The following LRRK1 variants were observed in gnomAD, a reference collection of about 807,000 sequenced individuals.
The protein encoded by LRRK1 is leucine-rich repeat serine/threonine-protein kinase 1.
In LRRK1, 113 loss-of-function variants were observed where a neutral mutation model predicts 209.1. The ratio of observed to expected loss-of-function variants is 0.54; its 90% CI spans 0.46 to 0.63. The LOEUF is 0.63. LRRK1 is among the 30% of genes least tolerant of loss of function. The probability of loss-of-function intolerance (pLI) is 0.00; values close to 1 mark genes in which losing one functional copy is unlikely to be tolerated. For missense variants in LRRK1, 2,284 were observed against 2,632.2 expected, an observed-to-expected ratio of 0.87 and a Z score of 2.89; for synonymous variants, 1,144 against 1,099.7, an observed-to-expected ratio of 1.04 and a Z score of -0.80.
At chr15:101,021,801 TGTGTGTGTGTGTA>T in intron 13 of LRRK1, 31 bp from the exon 14 acceptor site, 1 of 1,107,232 alleles carries the variant, frequency 9.0e-7, no homozygotes, top group Non-Finnish European at 1.4e-6. Flanking sequence ...TGTGTGTGTG[TGTGTGTGTGTGTA>T]TTCTCTCGTG....
At position 101,058,628 on chromosome 15, in the gene LRRK1, G is replaced by A. The variant is rs1319371860; in HGVS notation, c.4679+487G>A. On this transcript the variant is annotated intron_variant, in intron 29 of 33. Coordinates refer to ENST00000388948, the MANE Select transcript of LRRK1 (RefSeq NM_024652.6). ...TGCAGAAGGGGCAACGGGGGGGGGC[G>A]TCTAAACAGAGTTGGGGTTTTGCCA... 1.9e-4 allele frequency among the ~76,000 whole-genome samples: 27 copies of A among 141,698 alleles called. 2 individuals carry two copies. The highest frequency in any genetic ancestry group is 1.1e-4 in the African/African-American group (4 of 36,526). The allele number at this position is 141,698 out of a possible 152,430, so 93.0% of individuals were successfully genotyped here. A position where few individuals can be genotyped will look rare whatever the true frequency, so the allele number is the denominator to read the frequency against.
intron 2 of LRRK1, among the ~76,000 whole-genome samples, chr15:100,950,067 A>G (rs1250504637): frequency 6.6e-6 from 1 of 152,250 alleles, no homozygotes; most frequent in Non-Finnish European, 1.5e-5. Context: ...AGGTAAAACT[A>G]TATTTTCCGG....
chr15:101,045,981 C>T lies in LRRK1; in HGVS notation c.2964C>T (p.Ser988=). ...FEIALPVAND[S]YLLPHLLPSK... ...ACCAGTCCCCCTTGGTGTGTTTCAG[C>T]TACCTCCTGCCCCATCTCCTTCCAT... The change falls in exon 21 of 34, where the codon AGC becomes AGT. Residue 988 remains serine, a splice_region_variant and synonymous_variant. Transcript: ENST00000388948. The T allele has an allele frequency of 6.2e-7, 1 of 1,614,040 alleles. No homozygotes were observed. Among genetic ancestry groups the T allele is most frequent in the Non-Finnish European group, 8.5e-7 (1 of 1,179,910 alleles).
chr15:100,923,707 T>C (rs1337550880), intron 1 of LRRK1, among the ~76,000 whole-genome samples: 1 of 152,182 alleles, frequency 6.6e-6, no homozygotes, highest in Non-Finnish European at 1.5e-5. Context: ...TAGTCATTAG[T>C]TTCAGAGATT....
At position 101,066,209 on chromosome 15, in the gene LRRK1, C is replaced by A. The variant is rs185384942; in HGVS notation, c.5768+4C>A. 2 of 1,598,616 alleles carry A rather than the reference C, an allele frequency of 1.3e-6. No homozygotes were observed. Among genetic ancestry groups the A allele is most frequent in the Non-Finnish European group, 1.7e-6 (2 of 1,171,924 alleles). ...GAGACCTCATTTGGGTCCCCAGGTA[C>A]GTTTCCCGAGGTGAGGGCACCATCC... is the stretch of plus-strand genomic sequence containing the variant. On this transcript the variant is annotated splice_donor_region_variant and intron_variant, in intron 32 of 33. Coordinates refer to ENST00000388948, the MANE Select transcript of LRRK1 (RefSeq NM_024652.6).
intron 2 of LRRK1, among the ~76,000 whole-genome samples, chr15:100,950,259 TA>T (rs1241859001): frequency 1.1e-4 from 16 of 152,046 alleles, no homozygotes; most frequent in African/African-American, 3.9e-4. Flanking sequence ...TCCAAAAGAA[TA>T]AAAAATTTGG....
intron 3 of LRRK1, among the ~76,000 whole-genome samples, chr15:100,981,785 C>T (rs142539421): frequency 6.6e-6 from 1 of 152,256 alleles, no homozygotes; most frequent in East Asian, 1.9e-4. Context: ...AGTCCAGCAT[C>T]TGGCACCTGG....
At position 100,946,395 on chromosome 15, in the gene LRRK1, G is replaced by A. The variant is rs145819974; in HGVS notation, c.97+21666G>A. 1.3e-3 allele frequency among the ~76,000 whole-genome samples: 193 copies of A among 152,212 alleles called. 1 individual carries two copies. Among genetic ancestry groups the A allele is most frequent in the South Asian group, 7.7e-3 (37 of 4,832 alleles). On this transcript the variant is annotated intron_variant, in intron 2 of 33. Transcript: ENST00000388948. ...ATAATGACTGGGGTTGGAGACTAGC[G>A]AGACAATGCACAGAGAAAGCAATGG...
At chr15:101,059,316 T>C (rs887068277) in intron 29 of LRRK1, among the ~76,000 whole-genome samples, 3 of 152,312 alleles carry the variant, frequency 2.0e-5, no homozygotes, top group Admixed American at 2.0e-4. Context: ...GAGGATTACT[T>C]GAACCCAGGA....
intron 20 of LRRK1, among the ~76,000 whole-genome samples, chr15:101,044,924 C>T (rs1196537845): frequency 6.6e-6 from 1 of 152,206 alleles, no homozygotes; most frequent in Non-Finnish European, 1.5e-5. Context: ...GATGAAGAGG[C>T]ATCTAGCGAG....
intron 6 of LRRK1, among the ~76,000 whole-genome samples, chr15:100,991,921 A>G (rs933729719): frequency 6.6e-6 from 1 of 152,188 alleles, no homozygotes; most frequent in African/African-American, 2.4e-5. Flanking sequence ...ACATTACTGA[A>G]CTTTTTCAAA....
intron 6 of LRRK1, among the ~76,000 whole-genome samples, chr15:101,005,203 C>G (rs116740592): frequency 1.3e-3 from 194 of 152,238 alleles, no homozygotes; most frequent in African/African-American, 4.4e-3. Flanking sequence ...CCTGTGGAGC[C>G]TTTTTTGACT....
chr15:101,026,052 C>T lies in LRRK1; in HGVS notation c.2320C>T (p.Leu774=), dbSNP rs745499544. The T allele has an allele frequency of 6.2e-7, 1 of 1,614,256 alleles. No homozygotes were observed. Among genetic ancestry groups the T allele is most frequent in the East Asian group, 2.2e-5 (1 of 44,886 alleles). Residue 774 remains leucine, a synonymous_variant, in exon 17 of 34, where the codon CTG becomes TTG. Coordinates refer to ENST00000388948, the MANE Select transcript of LRRK1 (RefSeq NM_024652.6). ...AKFRVERIAT[L]RAYVLALCRS... Reference sequence around the variant, plus strand: ...GTTCCGTGTGGAAAGGATTGCAACGCTGCGTGCCTATGTGCTGGCACTCTG... The same window carrying T: ...GTTCCGTGTGGAAAGGATTGCAACGTTGCGTGCCTATGTGCTGGCACTCTG...
rs1392402256 is a variant in LRRK1, at chr15:101,024,727, T to C, written c.2068-76T>C. The C allele has an allele frequency of 1.3e-6, 2 of 1,483,580 alleles. No homozygotes were observed. The highest frequency in any genetic ancestry group is 1.4e-5 in the African/African-American group (1 of 72,252). 91.9% of individuals were successfully genotyped at this position (1,483,580 alleles called of 1,614,324 possible). On this transcript the variant is annotated intron_variant, in intron 15 of 33. Transcript: ENST00000388948. The surrounding 1 kb of genome is among the most constrained non-coding windows in gnomAD (Gnocchi z 4.6). The stretch of plus-strand genomic sequence containing the variant: ...CCCCCGAGTCCAGCCTCCAGAGTTA[T>C]CCGTTGTCTCCGTTTGATTGACTGA...
intron 24 of LRRK1, 111 bp downstream of exon 24, chr15:101,052,071 C>T: frequency 7.9e-7 from 1 of 1,260,628 alleles, no homozygotes; most frequent in Non-Finnish European, 1.1e-6. Context: ...GGCAGGTGCC[C>T]CGGCCATGGC....
At position 100,992,455 on chromosome 15, in the gene LRRK1, A is replaced by C. The variant is rs2032197646; in HGVS notation, c.762+3057A>C. ...TTTCTTCTATATCTATACTTATATT[A>C]CTCTTTTCATTTATGCTGTTGAACA... On this transcript the variant is annotated intron_variant, in intron 6 of 33. Coordinates refer to ENST00000388948, the MANE Select transcript of LRRK1 (RefSeq NM_024652.6). Among the ~76,000 whole-genome samples the C allele has an allele frequency of 2.0e-5, 3 of 151,852 alleles. No individual in the cohort carries two copies. The South Asian group carries it at 6.2e-4, about 32-fold the overall frequency.
At chr15:100,956,455 C>CTTTTTCTTTTTTTTTCTTTTTT in intron 2 of LRRK1, among the ~76,000 whole-genome samples, 1 of 60,534 alleles carries the variant, frequency 1.7e-5, no homozygotes. Flanking sequence ...TTTTTTTTTT[C>CTTTTTCTTTTTTTTTCTTTTTT]TTTTTTTTTT....
At chr15:100,937,310 G>A (rs1163438237) in intron 2 of LRRK1, among the ~76,000 whole-genome samples, 5 of 151,926 alleles carry the variant, frequency 3.3e-5, no homozygotes, top group Admixed American at 1.3e-4. Context: ...ACCCATTCCC[G>A]CCCCCTACCC....
chr15:100,947,892 G>T (rs949002461), intron 2 of LRRK1, among the ~76,000 whole-genome samples: 1 of 152,182 alleles, frequency 6.6e-6, no homozygotes, highest in Non-Finnish European at 1.5e-5. Flanking sequence ...TGAGATCCAG[G>T]GAAACGTGAG....
Sources: gnomAD v4.1 joint callset for allele counts (sites outside exome capture counted in the v4.1 genomes callset) on GRCh38, gnomAD v4.1.1 for gene constraint, Gnocchi (gnomAD v3.1) non-coding constraint, MANE v1.5 for transcripts, NCBI Gene and HGNC (gene_info 2026-07-23, HGNC 2026-07-21) for gene names.